Variants in LRMDA observed in about 807,000 individuals in gnomAD.
LRMDA encodes the protein leucine-rich melanocyte differentiation-associated protein.
A neutral mutation model predicts 29.8 loss-of-function variants in LRMDA; 18 were observed. That is an observed-to-expected ratio of 0.60 (90% CI 0.42 to 0.90). The LOEUF is 0.90. LRMDA is among the 40% of genes least tolerant of loss of function. LRMDA has a pLI of 0.00. For missense variants in LRMDA, 273 were observed against 273.9 expected, an observed-to-expected ratio of 1.00 and a Z score of 0.02; for synonymous variants, 125 against 109.4, an observed-to-expected ratio of 1.14 and a Z score of -0.89.
At chr10:76,057,860 C>A (rs985708965) in intron 4 of LRMDA, among the ~76,000 whole-genome samples, 2 of 152,208 alleles carry the variant, frequency 1.3e-5, no homozygotes, top group African/African-American at 2.4e-5. Flanking sequence ...CATGTCCATA[C>A]CTGTTATACA....
intron 5 of LRMDA, among the ~76,000 whole-genome samples, chr10:76,286,419 A>C (rs535922403): frequency 2.0e-5 from 3 of 152,278 alleles, no homozygotes; most frequent in African/African-American, 7.2e-5. Flanking sequence ...CACATTTTTA[A>C]AGTGAGAGGG....
intron 2 of LRMDA, among the ~76,000 whole-genome samples, chr10:75,603,103 T>C (rs779130382): frequency 6.6e-6 from 1 of 152,176 alleles, no homozygotes; most frequent in Non-Finnish European, 1.5e-5. Flanking sequence ...AGGGCCCTTA[T>C]ATCTTAATGC....
At chr10:75,692,215 AAAAAATAT>A (rs1456426192) in intron 2 of LRMDA, among the ~76,000 whole-genome samples, 2 of 43,914 alleles carry the variant, frequency 4.6e-5, no homozygotes, top group African/African-American at 1.0e-4. Flanking sequence ...GGGGAAAAAA[AAAAAATAT>A]ATATATATAT....
chr10:76,383,308 C>T lies in LRMDA; in HGVS notation c.601+58823C>T, dbSNP rs376563569. Among the ~76,000 whole-genome samples the T allele has an allele frequency of 4.2e-4, 64 of 152,034 alleles. 1 individual carries two copies. Among genetic ancestry groups the T allele is most frequent in the Non-Finnish European group, 1.6e-4 (11 of 68,028 alleles). On this transcript the variant is annotated intron_variant, in intron 6 of 6. Transcript: ENST00000611255. ...CTGAACCTTCCAGTCCTTAAGTGAA[C>T]TGGCCGTGTTTTCTCTACAGGCTCC... is the stretch of plus-strand genomic sequence containing the variant.
intron 6 of LRMDA, among the ~76,000 whole-genome samples, chr10:76,329,465 C>T (rs928316481): frequency 2.0e-5 from 3 of 152,090 alleles, no homozygotes; most frequent in Admixed American, 6.5e-5. Context: ...CCATATTAAA[C>T]ATTGAACTTG....
chr10:75,634,539 C>T (rs975562980), intron 2 of LRMDA, among the ~76,000 whole-genome samples: 1 of 152,218 alleles, frequency 6.6e-6, no homozygotes, highest in Admixed American at 6.5e-5. Flanking sequence ...GGTGACCAGT[C>T]CTCACCTGGC....
intron 6 of LRMDA, among the ~76,000 whole-genome samples, chr10:76,337,798 G>C (rs964825349): frequency 3.3e-5 from 5 of 152,068 alleles, no homozygotes; most frequent in Non-Finnish European, 7.4e-5. Flanking sequence ...TAAGGTGTTT[G>C]TGGAAGCCAA....
chr10:76,322,838 C>T (rs1485788882), intron 5 of LRMDA, among the ~76,000 whole-genome samples: 1 of 152,158 alleles, frequency 6.6e-6, no homozygotes, highest in Non-Finnish European at 1.5e-5. Context: ...CCTGTACCCT[C>T]ACCCCATATG....
chr10:76,350,405 CT>C (rs1841161067), intron 6 of LRMDA, among the ~76,000 whole-genome samples: 1 of 150,884 alleles, frequency 6.6e-6, no homozygotes, highest in Non-Finnish European at 1.5e-5. Flanking sequence ...CAAGTTTATT[CT>C]TTTGTTCAAA....
intron 6 of LRMDA, among the ~76,000 whole-genome samples, chr10:76,379,825 T>C (rs143388183): frequency 6.6e-6 from 1 of 152,202 alleles, no homozygotes; most frequent in Non-Finnish European, 1.5e-5. Context: ...TTTTGATCTA[T>C]CTTTTGAATA....
intron 2 of LRMDA, among the ~76,000 whole-genome samples, chr10:75,645,085 C>T (rs1841499966): frequency 6.6e-6 from 1 of 151,830 alleles, no homozygotes; most frequent in Non-Finnish European, 1.5e-5. Flanking sequence ...TGGGCTCAAG[C>T]GATTCTCCTT....
chr10:75,697,386 A>G (rs1045171563), intron 2 of LRMDA, among the ~76,000 whole-genome samples: 2 of 151,838 alleles, frequency 1.3e-5, no homozygotes, highest in East Asian at 1.9e-4. Context: ...AATAGGCTCC[A>G]GGTTTTTAGA....
At chr10:76,091,956 G>A (rs183796166) in intron 5 of LRMDA, among the ~76,000 whole-genome samples, 13 of 152,230 alleles carry the variant, frequency 8.5e-5, no homozygotes, top group Admixed American at 4.6e-4. Flanking sequence ...CAAAGTGTTG[G>A]GATTACAGAT....
At chr10:75,648,542 G>A (rs1228124476) in intron 2 of LRMDA, among the ~76,000 whole-genome samples, 4 of 152,078 alleles carry the variant, frequency 2.6e-5, no homozygotes, top group African/African-American at 9.7e-5. Context: ...CGTGGGCCTG[G>A]GTCCTGGTCT....
intron 2 of LRMDA, among the ~76,000 whole-genome samples, chr10:75,441,012 G>A (rs899015011): frequency 6.6e-6 from 1 of 150,888 alleles, no homozygotes; most frequent in African/African-American, 2.5e-5. Flanking sequence ...ACTCCAGCCT[G>A]GGCAACAAGG....
chr10:75,487,644 C>T (rs888383693), intron 2 of LRMDA, among the ~76,000 whole-genome samples: 5 of 152,150 alleles, frequency 3.3e-5, no homozygotes, highest in African/African-American at 1.2e-4. Context: ...GGCAGAATAG[C>T]AGGCAGCGCA....
intron 5 of LRMDA, among the ~76,000 whole-genome samples, chr10:76,176,815 G>T (rs554271074): frequency 6.6e-6 from 1 of 152,180 alleles, no homozygotes; most frequent in African/African-American, 2.4e-5. Flanking sequence ...ATTATAAATT[G>T]CCAAGGTAGA....
intron 5 of LRMDA, among the ~76,000 whole-genome samples, chr10:76,158,393 T>C (rs950309100): frequency 6.6e-6 from 1 of 152,190 alleles, no homozygotes; most frequent in Non-Finnish European, 1.5e-5. Context: ...GATGGTTTGC[T>C]GATAGCTGCC....
intron 6 of LRMDA, among the ~76,000 whole-genome samples, chr10:76,489,195 T>G (rs1842810010): frequency 6.6e-6 from 1 of 152,054 alleles, no homozygotes; most frequent in East Asian, 1.9e-4. Context: ...TTTTGTTACT[T>G]GTTATTGGTC....
Sources: allele counts gnomAD v4.1 joint callset (sites outside exome capture counted in the v4.1 genomes callset), GRCh38; gene constraint gnomAD v4.1.1; transcripts MANE v1.5; gene names NCBI Gene and HGNC (gene_info 2026-07-23, HGNC 2026-07-21).